Variants in CTNNA2 observed in about 807,000 individuals in gnomAD.
CTNNA2 encodes the protein catenin alpha-2.
Under a neutral mutation model 101.0 loss-of-function variants are expected in CTNNA2, and 42 were observed. The observed-to-expected ratio is 0.42, with a 90% CI of 0.32 to 0.54. The LOEUF (loss-of-function observed/expected upper bound fraction) is 0.54, where lower values mean the gene tolerates loss of function less well. Among genes scored for constraint, CTNNA2 ranks in the 20% least tolerant of loss-of-function variants. The probability of loss-of-function intolerance (pLI) is 0.14; values close to 1 mark genes in which losing one functional copy is unlikely to be tolerated. For synonymous variants in CTNNA2, 450 were observed against 456.4 expected, an observed-to-expected ratio of 0.99 and a Z score of 0.18; for missense variants, 871 against 1,223.1, an observed-to-expected ratio of 0.71 and a Z score of 4.29.
chr2:79,954,929 A>C (rs1251719004), intron 7 of CTNNA2, among the ~76,000 whole-genome samples: 1 of 152,212 alleles, frequency 6.6e-6, no homozygotes, highest in Non-Finnish European at 1.5e-5. Context: ...GGAGCAGTAC[A>C]TACCAACTTC....
chr2:79,884,295 A>G (rs1683669896), intron 6 of CTNNA2, among the ~76,000 whole-genome samples: 1 of 152,152 alleles, frequency 6.6e-6, no homozygotes, highest in African/African-American at 2.4e-5. Context: ...CAATTCTAAC[A>G]ACCTAAAAAG....
chr2:79,374,342 T>A (rs1018564507), intron 4 of CTNNA2, among the ~76,000 whole-genome samples: 2 of 152,174 alleles, frequency 1.3e-5, no homozygotes, highest in African/African-American at 4.8e-5. Context: ...TTTTAGCTGC[T>A]ACAAAATAAG....
At chr2:79,586,815 C>T (rs1487728536) in intron 1 of CTNNA2, among the ~76,000 whole-genome samples, 1 of 152,056 alleles carries the variant, frequency 6.6e-6, no homozygotes, top group Non-Finnish European at 1.5e-5. Flanking sequence ...TTTTATCCCT[C>T]ACCACCCCCA....
At chr2:79,966,936 G>T (rs1255060320) in intron 7 of CTNNA2, among the ~76,000 whole-genome samples, 1 of 151,728 alleles carries the variant, frequency 6.6e-6, no homozygotes, top group East Asian at 2.0e-4. Context: ...AGGTTCTTCT[G>T]CTCCTGATTC....
At position 80,242,328 on chromosome 2, in the gene CTNNA2, G is replaced by A. The variant is rs79493110; in HGVS notation, c.1057-150883G>A. Among the ~76,000 whole-genome samples the A allele has an allele frequency of 4.5e-3, 678 of 152,316 alleles. 3 individuals carry two copies. The highest frequency in any genetic ancestry group is 0.015 in the African/African-American group (638 of 41,570). On this transcript the variant is annotated intron_variant, in intron 7 of 18. Coordinates refer to ENST00000402739, the MANE Select transcript of CTNNA2 (RefSeq NM_001282597.3). ...ACCTGAAAATGATCCAAAGCTCAGAGTTATAATTAAGGACCTTGTTACACC... is the reference window on the plus strand; with the variant it reads ...ACCTGAAAATGATCCAAAGCTCAGAATTATAATTAAGGACCTTGTTACACC...
intron 2 of CTNNA2, among the ~76,000 whole-genome samples, chr2:79,308,895 T>G (rs1222889023): frequency 6.6e-6 from 1 of 152,030 alleles, no homozygotes; most frequent in African/African-American, 2.4e-5. Flanking sequence ...ATTTTTAATC[T>G]ACCAGGAAAT....
rs373956750 is a variant in CTNNA2 at position 79,779,540 on chromosome 2, T to C, written c.298+34958T>C. Reference sequence around the variant, plus strand: ...TATTAACTCTGACCTCTGTGCTTTTTACTTTTTTACTTTTTTCCCTATTGT... The same window carrying C: ...TATTAACTCTGACCTCTGTGCTTTTCACTTTTTTACTTTTTTCCCTATTGT... On this transcript the variant is annotated intron_variant, in intron 3 of 18. Transcript: ENST00000402739. Among the ~76,000 whole-genome samples the C allele has an allele frequency of 4.6e-5, 7 of 152,334 alleles. No homozygotes were observed. The East Asian group carries it at 1.4e-3, about 29-fold the overall frequency.
intron 2 of CTNNA2, among the ~76,000 whole-genome samples, chr2:79,699,757 C>T (rs939173204): frequency 1.4e-5 from 2 of 142,244 alleles, no homozygotes; most frequent in African/African-American, 2.6e-5. Flanking sequence ...GAAATATTTT[C>T]CAATGAAAAT....
At position 80,029,811 on chromosome 2, in the gene CTNNA2, C is replaced by T. The variant is rs186676082; in HGVS notation, c.1056+120014C>T. On this transcript the variant is annotated intron_variant, in intron 7 of 18. Coordinates refer to ENST00000402739, the MANE Select transcript of CTNNA2 (RefSeq NM_001282597.3). ...GTTTATAGAATAGTAACACATGTAC[C>T]GAACATAAAAACACACTAAAGCACA... Among the ~76,000 whole-genome samples the T allele has an allele frequency of 3.4e-3, 512 of 151,864 alleles. 2 individuals are homozygous for T. The highest frequency in any genetic ancestry group is 5.2e-3 in the Admixed American group (79 of 15,254).
At chr2:80,646,435 A>G (rs1237303960) in intron 18 of CTNNA2, among the ~76,000 whole-genome samples, 1 of 152,152 alleles carries the variant, frequency 6.6e-6, no homozygotes, top group Admixed American at 6.6e-5. Context: ...TCAGCTGTTA[A>G]TTCTTTTCTT....
intron 1 of CTNNA2, among the ~76,000 whole-genome samples, chr2:79,597,845 G>A (rs1039244669): frequency 6.6e-6 from 1 of 152,144 alleles, no homozygotes; most frequent in African/African-American, 2.4e-5. Context: ...TGTATTCTAT[G>A]TATTAGGAGA....
intron 9 of CTNNA2, among the ~76,000 whole-genome samples, chr2:80,537,382 CAT>C (rs1691134320): frequency 6.6e-6 from 1 of 152,122 alleles, no homozygotes; most frequent in Non-Finnish European, 1.5e-5. Context: ...CTGCATTAAA[CAT>C]ATGTGTGCAT....
intron 4 of CTNNA2, among the ~76,000 whole-genome samples, chr2:79,393,610 AAAG>A (rs1678197592): frequency 6.7e-6 from 1 of 148,734 alleles, no homozygotes; most frequent in South Asian, 2.2e-4. Flanking sequence ...CAGTAGGATA[AAAG>A]AAGATGTTCA....
At chr2:79,802,030 GA>G (rs1184384182) in intron 3 of CTNNA2, among the ~76,000 whole-genome samples, 3 of 142,854 alleles carry the variant, frequency 2.1e-5, no homozygotes, top group African/African-American at 7.7e-5. Context: ...AAGAAAGAAA[GA>G]AAAAAAGCTA....
chr2:80,223,504 C>A (rs1708695704), intron 7 of CTNNA2, among the ~76,000 whole-genome samples: 1 of 152,172 alleles, frequency 6.6e-6, no homozygotes, highest in African/African-American at 2.4e-5. Context: ...AAACTCCCGA[C>A]CTCAGGTGAT....
At chr2:79,749,189 C>T (rs1671842088) in intron 3 of CTNNA2, among the ~76,000 whole-genome samples, 1 of 152,080 alleles carries the variant, frequency 6.6e-6, no homozygotes, top group Non-Finnish European at 1.5e-5. Context: ...AGATGTTACT[C>T]ATAGACAAGG....
intron 2 of CTNNA2, among the ~76,000 whole-genome samples, chr2:79,280,529 C>T (rs1201627236): frequency 1.3e-5 from 2 of 152,028 alleles, no homozygotes; most frequent in Admixed American, 1.3e-4. Context: ...TGATAAGATA[C>T]TCAACCTCTT....
At position 80,532,947 on chromosome 2, in the gene CTNNA2, C is replaced by G. The variant is rs181811266; in HGVS notation, c.1291-12035C>G. Among the ~76,000 whole-genome samples, 57 of 152,252 alleles carry G rather than the reference C, an allele frequency of 3.7e-4. 2 individuals are homozygous for G. The East Asian group carries it at 9.9e-3, about 26-fold the overall frequency. On this transcript the variant is annotated intron_variant, in intron 9 of 18. Transcript: ENST00000402739. ...GCAGGAGGTAAGAAAGCACCCATGA[C>G]AGGGAGGCTGCCTTGGAACTACGTT...
At chr2:80,037,158 T>G (rs1211589282) in intron 7 of CTNNA2, among the ~76,000 whole-genome samples, 3 of 152,306 alleles carry the variant, frequency 2.0e-5, no homozygotes, top group East Asian at 1.9e-4. Context: ...CTGGACTTGT[T>G]GTAAGAAGAT....
Sources: gnomAD v4.1 joint callset for allele counts (sites outside exome capture counted in the v4.1 genomes callset) on GRCh38, gnomAD v4.1.1 for gene constraint, MANE v1.5 for transcripts, NCBI Gene and HGNC (gene_info 2026-07-23, HGNC 2026-07-21) for gene names.